WDR45B: variants seen among roughly 807,000 people sequenced by gnomAD.
WDR45B encodes the protein WD repeat domain phosphoinositide-interacting protein 3.
WDR45B carries 20 observed loss-of-function variants against 44.6 expected under a neutral mutation model. The observed-to-expected ratio is 0.45, with a 90% CI of 0.32 to 0.65. The LOEUF is 0.65. Among genes scored for constraint, WDR45B ranks in the 30% least tolerant of loss-of-function variants. The pLI is 0.05. For missense variants in WDR45B, 323 were observed against 430.2 expected, an observed-to-expected ratio of 0.75 and a Z score of 2.20; for synonymous variants, 169 against 164.9, an observed-to-expected ratio of 1.02 and a Z score of -0.19.
intron 4 of WDR45B, among the ~76,000 whole-genome samples, chr17:82,626,317 C>A (rs139222659): frequency 0.012 from 1,739 of 151,214 alleles, 12 homozygotes; most frequent in Non-Finnish European, 0.017. Flanking sequence ...GCGGGTGGAT[C>A]ATGAGGTCAA....
chr17:82,640,744 T>C (rs2045903469), intron 2 of WDR45B, among the ~76,000 whole-genome samples: 1 of 152,180 alleles, frequency 6.6e-6, no homozygotes, highest in Non-Finnish European at 1.5e-5. Flanking sequence ...GTGGCCCTAC[T>C]GTATCCATTT....
intron 1 of WDR45B, 89 bp from the exon 2 acceptor site, chr17:82,644,112 T>A: frequency 8.0e-7 from 1 of 1,247,386 alleles, no homozygotes; most frequent in East Asian, 2.4e-5. Context: ...TACTGAGAAC[T>A]CTTGCAGATG....
In WDR45B at chr17:82,625,726, T is replaced by C; in HGVS notation, c.333-243A>G. 4 of 511,784 alleles carry C rather than the reference T, an allele frequency of 7.8e-6. No homozygotes were observed. In the South Asian group the frequency reaches 8.1e-5, roughly 10 times the overall value. The allele number at this position is 511,784 out of a possible 1,614,324, so 31.7% of individuals were successfully genotyped here. ...TGGGTGAAGGTCAGCCTAAGAGACG[T>C]CTCTGAGGTTCAGAGAGACATCATC... On this transcript the variant is annotated intron_variant, in intron 4 of 9. Coordinates refer to ENST00000392325, the MANE Select transcript of WDR45B (RefSeq NM_019613.4).
At chr17:82,648,198 G>C (rs958341659) in intron 1 of WDR45B, 76 bp downstream of exon 1, 2 of 1,518,648 alleles carry the variant, frequency 1.3e-6, no homozygotes, top group African/African-American at 1.4e-5. Flanking sequence ...GGGCGCCCAG[G>C]AGAGGCCTGA....
intron 3 of WDR45B, chr17:82,629,805 G>C: frequency 3.0e-6 from 3 of 985,246 alleles, no homozygotes; most frequent in Non-Finnish European, 3.6e-6. Context: ...CAATCCTTTT[G>C]TGCCTGATCT....
intron 1 of WDR45B, among the ~76,000 whole-genome samples, chr17:82,647,341 C>T (rs2045991485): frequency 6.6e-6 from 1 of 152,262 alleles, no homozygotes; most frequent in Non-Finnish European, 1.5e-5. Context: ...AGAAGCCTGT[C>T]TCGGAATAAC....
chr17:82,636,950 C>T (rs796994134), intron 2 of WDR45B, among the ~76,000 whole-genome samples: 7 of 152,036 alleles, frequency 4.6e-5, no homozygotes, highest in East Asian at 1.9e-4. Flanking sequence ...TTGTGCAGTC[C>T]GACCCCAGCC....
chr17:82,635,606 A>G (rs1253986644), intron 2 of WDR45B, among the ~76,000 whole-genome samples: 1 of 151,526 alleles, frequency 6.6e-6, no homozygotes, highest in Non-Finnish European at 1.5e-5. Flanking sequence ...TATTTTTAGT[A>G]GAGACGGCGT....
rs1248940178 is a variant in WDR45B at position 82,614,578 on chromosome 17, CAA to C, written c.*1339_*1340del. ...TACTTCCCATTACAGGTCCAGACTA[CAA>C]CAAAATTAGTCACTTTTATTTAAAA... is the stretch of plus-strand genomic sequence containing the variant. On this transcript the variant is annotated 3_prime_UTR_variant, in exon 10 of 10. Coordinates refer to ENST00000392325, the MANE Select transcript of WDR45B (RefSeq NM_019613.4). 6.6e-6 allele frequency: 1 copy of C among 152,610 alleles called. No individual in the cohort carries two copies. The allele number at this position is 152,610 out of a possible 1,614,324, so 9.5% of individuals were successfully genotyped here. A position where few individuals can be genotyped will look rare whatever the true frequency, so the allele number is the denominator to read the frequency against.
chr17:82,616,814 T>C (rs1487675490), intron 8 of WDR45B, among the ~76,000 whole-genome samples, 169 bp from the exon 9 acceptor site: 2 of 151,432 alleles, frequency 1.3e-5, no homozygotes, highest in African/African-American at 4.9e-5. Context: ...CAATTTTATT[T>C]AAAAAAAAAA....
At chr17:82,646,710 T>C (rs948858334) in intron 1 of WDR45B, among the ~76,000 whole-genome samples, 7 of 152,054 alleles carry the variant, frequency 4.6e-5, no homozygotes, top group East Asian at 1.9e-4. Context: ...TTATGATATA[T>C]CCACCCTTCT....
chr17:82,624,410 C>T (rs995506809), intron 5 of WDR45B, among the ~76,000 whole-genome samples: 20 of 152,178 alleles, frequency 1.3e-4, no homozygotes, highest in East Asian at 3.9e-4. Context: ...TATGGGCACC[C>T]GCCACCACAT....
intron 5 of WDR45B, among the ~76,000 whole-genome samples, chr17:82,624,624 G>GTTT (rs544094467): frequency 0.26 from 36,714 of 143,430 alleles, 4,644 homozygotes; most frequent in African/African-American, 0.41. Flanking sequence ...ATTTATTGAA[G>GTTT]TTTTTTTTTT....
At chr17:82,634,303 C>T (rs1240591992) in intron 2 of WDR45B, among the ~76,000 whole-genome samples, 1 of 151,464 alleles carries the variant, frequency 6.6e-6, no homozygotes, top group Non-Finnish European at 1.5e-5. Context: ...TCCTGGCCAA[C>T]ATGGTGAAAC....
intron 2 of WDR45B, among the ~76,000 whole-genome samples, chr17:82,643,432 C>G (rs938674007): frequency 6.0e-5 from 9 of 150,284 alleles, no homozygotes; most frequent in African/African-American, 2.2e-4. Context: ...GATCCCGTCT[C>G]GGAAGAAGGA....
rs2045622292 is a variant in WDR45B, at chr17:82,621,809, GAC to G, written c.428-12_428-11del. The G allele has an allele frequency of 6.2e-7, 1 of 1,613,782 alleles. No individual in the cohort carries two copies. Among genetic ancestry groups the G allele is most frequent in the Admixed American group, 1.7e-5 (1 of 59,974 alleles). On this transcript the variant is annotated splice_polypyrimidine_tract_variant and intron_variant, in intron 5 of 9. Coordinates refer to ENST00000392325, the MANE Select transcript of WDR45B (RefSeq NM_019613.4). ...CAAAGGACACAGAGGCCTGCGTGGA[GAC>G]AGAGGACACCAATCAAGAACTGCCT... is the stretch of plus-strand genomic sequence containing the variant.
Position 82,615,534 on chromosome 17 carries a change from A to G in WDR45B, c.*385T>C, listed in dbSNP as rs1434721889. 1.3e-5 allele frequency: 4 copies of G among 306,526 alleles called. No individual in the cohort carries two copies. In the Admixed American group the frequency reaches 1.8e-4, roughly 13 times the overall value. The allele number at this position is 306,526 out of a possible 1,614,324, so 19.0% of individuals were successfully genotyped here. A position where few individuals can be genotyped will look rare whatever the true frequency, so the allele number is the denominator to read the frequency against. On this transcript the variant is annotated 3_prime_UTR_variant, in exon 10 of 10. Coordinates refer to ENST00000392325, the MANE Select transcript of WDR45B (RefSeq NM_019613.4). ...TCACTCCCCCGCTGCAGACTCAGTA[A>G]GAACGACGGAATCTGCTGCAAAAAC...
intron 5 of WDR45B, among the ~76,000 whole-genome samples, chr17:82,624,239 C>T (rs775002632): frequency 6.6e-6 from 1 of 152,188 alleles, no homozygotes; most frequent in African/African-American, 2.4e-5. Flanking sequence ...GGGGAGGGGA[C>T]TGTCCCAAGA....
In WDR45B at chr17:82,648,278, G is replaced by T; in HGVS notation, c.63C>A (p.Asp21Glu). 1.9e-6 allele frequency: 3 copies of T among 1,606,572 alleles called. No individual in the cohort carries two copies. In the South Asian group the frequency reaches 3.3e-5, roughly 18 times the overall value. ...NGLLYAGFNQ[D>E]HGCFACGMEN... ...GACAGGGCCGCGCCTCCTCACCGTG[G>T]TCCTGGTTGAAGCCGGCGTAGAGCA... Residue 21 changes from aspartate (D) to glutamate (E), a missense_variant, in exon 1 of 10, where the codon GAC becomes GAA. Physicochemically the swap from Asp to Glu is conservative, Grantham distance 45. Transcript: ENST00000392325.
Sources: allele counts gnomAD v4.1 joint callset (sites outside exome capture counted in the v4.1 genomes callset), GRCh38; gene constraint gnomAD v4.1.1; transcripts MANE v1.5; gene names NCBI Gene and HGNC (gene_info 2026-07-23, HGNC 2026-07-21).